The following COL6A2 variants were observed in gnomAD, a reference collection of about 807,000 sequenced individuals.
The protein encoded by COL6A2 is collagen type VI alpha 2 chain.
COL6A2 carries 90 observed loss-of-function variants against 124.9 expected under a neutral mutation model. The observed-to-expected ratio is 0.72, with a 90% CI of 0.61 to 0.86. The LOEUF is 0.86. Ranked by LOEUF, COL6A2 falls within the 40% of genes least tolerant of loss-of-function variation. The pLI is 0.00. For synonymous variants in COL6A2, 793 were observed against 618.2 expected (o/e 1.28, Z -4.19); for missense variants, 1,607 against 1,502.5 (o/e 1.07, Z -1.15).
chr21:46,099,050 G>A (rs1286455918), intron 1 of COL6A2: 1 of 152,322 alleles, frequency 6.6e-6, no homozygotes, highest in South Asian at 2.1e-4. Context: ...TTCCCTTTGG[G>A]GTCGGAACCC....
Position 46,112,003 on chromosome 21 carries a change from T to C in COL6A2, c.140T>C (p.Val47Ala), listed in dbSNP as rs2123614177. The change falls in exon 3 of 28, where the codon GTG (valine) becomes GCG (alanine). Residue 47 changes from valine (V) to alanine (A), a missense_variant. Coordinates refer to ENST00000300527, the MANE Select transcript of COL6A2 (RefSeq NM_001849.4). ...GAGAAGACCGACTGCCCCATCCACG[T>C]GTACTTCGTGCTGGACACCTCGGAG... ...CPEKTDCPIH[V>A]YFVLDTSESV... The C allele has an allele frequency of 1.3e-5, 21 of 1,612,458 alleles. No homozygotes were observed. The highest frequency in any genetic ancestry group is 1.8e-5 in the Non-Finnish European group (21 of 1,179,978).
intron 1 of COL6A2, among the ~76,000 whole-genome samples, chr21:46,098,512 AC>A: frequency 6.6e-6 from 1 of 150,570 alleles, no homozygotes; most frequent in Admixed American, 6.6e-5. Flanking sequence ...TCCCGAGACG[AC>A]CCCGGCACCG....
intron 1 of COL6A2, among the ~76,000 whole-genome samples, chr21:46,108,776 T>C (rs2078362863): frequency 6.6e-6 from 1 of 152,226 alleles, no homozygotes; most frequent in South Asian, 2.1e-4. Flanking sequence ...TAGTTTTTAA[T>C]ATTGGCTAGA....
chr21:46,132,367 G>A lies in COL6A2; in HGVS notation c.2875G>A (p.Glu959Lys), dbSNP rs150168522. 34 of 1,608,992 alleles carry A rather than the reference G, an allele frequency of 2.1e-5. No individual in the cohort carries two copies. Among genetic ancestry groups the A allele is most frequent in the South Asian group, 5.5e-5 (5 of 91,086 alleles). The change falls in exon 28 of 28, where the codon GAG (glutamate) becomes AAG (lysine). Residue 959 changes from glutamate (E) to lysine (K), a missense_variant. Glu to Lys is a moderately conservative substitution (Grantham distance 56, BLOSUM62 1). Transcript: ENST00000300527. ...DGVTGNDSLHESAHSMRKQNV... is the reference protein window; with the variant it reads ...DGVTGNDSLHKSAHSMRKQNV... Reference sequence around the variant, plus strand: ...CGTCACGGGCAACGACAGTCTGCACGAGTCGGCGCACTCCATGCGCAAGCA... The same window carrying A: ...CGTCACGGGCAACGACAGTCTGCACAAGTCGGCGCACTCCATGCGCAAGCA...
intron 27 of COL6A2, among the ~76,000 whole-genome samples, chr21:46,127,162 G>A (rs965923175): frequency 5.9e-5 from 9 of 152,110 alleles, no homozygotes; most frequent in African/African-American, 9.7e-5. Context: ...GGAGGTCCCC[G>A]GGGGCGTTAG....
At chr21:46,124,853 C>T (rs539930932) in intron 22 of COL6A2, 32 bp from the exon 23 acceptor site, 5 of 1,612,600 alleles carry the variant, frequency 3.1e-6, no homozygotes, top group Non-Finnish European at 3.4e-6. Context: ...AGCCTTGGCC[C>T]CAGAGTCTCA....
intron 27 of COL6A2, 99 bp from the exon 28 acceptor site, chr21:46,131,855 C>G (rs1256101380): frequency 1.7e-6 from 2 of 1,148,032 alleles, no homozygotes; most frequent in East Asian, 2.6e-5. Flanking sequence ...TGTGAGGTTG[C>G]AGGCAGGGTG....
rs1405306242 is a variant in COL6A2 at position 46,125,562 on chromosome 21, C to T, written c.1914C>T (p.Val638=). 1.2e-6 allele frequency: 2 copies of T among 1,611,272 alleles called. No homozygotes were observed. Among genetic ancestry groups the T allele is most frequent in the South Asian group, 1.1e-5 (1 of 91,034 alleles). The stretch of plus-strand genomic sequence containing the variant: ...ACTTCACACTGGAGAAGAACTTCGT[C>T]ATCAACGTGGTCAACAGGCTGGGTG... The part of the protein sequence containing the change: ...YTNFTLEKNF[V]INVVNRLGAI... The change falls in exon 25 of 28, where the codon GTC becomes GTT. Residue 638 remains valine, a synonymous_variant. Coordinates refer to ENST00000300527, the MANE Select transcript of COL6A2 (RefSeq NM_001849.4).
rs2078578110 is a variant in COL6A2 at position 46,122,211 on chromosome 21, AG to A, written c.1572+56del. Reference sequence around the variant, plus strand: ...CCAGGAGTGGGTGGACATTGTCCCAAGGGCCCTGAAGATTCCTAGTAGTTCC... The same window carrying A: ...CCAGGAGTGGGTGGACATTGTCCCAAGGCCCTGAAGATTCCTAGTAGTTCC... On this transcript the variant is annotated intron_variant, in intron 19 of 27. Transcript: ENST00000300527. 1.6e-5 allele frequency: 25 copies of A among 1,588,690 alleles called. 1 individual carries two copies. The South Asian group carries it at 2.8e-4, about 18-fold the overall frequency.
At chr21:46,129,352 T>A (rs1221363945) in intron 27 of COL6A2, 1 of 1,612,822 alleles carries the variant, frequency 6.2e-7, no homozygotes, top group Admixed American at 1.7e-5. Context: ...CTGGTGGCCG[T>A]GCTGGTCTAC....
intron 2 of COL6A2, 80 bp from the exon 3 acceptor site, chr21:46,111,899 A>G: frequency 1.4e-6 from 2 of 1,468,254 alleles, no homozygotes; most frequent in Non-Finnish European, 1.9e-6. Context: ...CAAACCCACA[A>G]ACAGGCACGG....
chr21:46,119,205 G>A (rs1330189968), intron 14 of COL6A2, 86 bp downstream of exon 14: 2 of 1,054,734 alleles, frequency 1.9e-6, no homozygotes, highest in Admixed American at 2.0e-5. Flanking sequence ...AGGGCACCTG[G>A]GCTGTAGGCA....
Position 46,132,543 on chromosome 21 carries a change from G to A in COL6A2, c.3051G>A (p.Trp1017Ter). 1 of 1,602,562 alleles carries A rather than the reference G, an allele frequency of 6.2e-7. No homozygotes were observed. Among genetic ancestry groups the A allele is most frequent in the East Asian group, 2.2e-5 (1 of 44,758 alleles). ...QPGFFDRFIR[W>*]IC Reference sequence around the variant, plus strand: ...GCTTCTTCGACCGCTTCATCCGCTGGATCTGCTAGCGCCGCCGCCCGGGCC... The same window carrying A: ...GCTTCTTCGACCGCTTCATCCGCTGAATCTGCTAGCGCCGCCGCCCGGGCC... The change falls in exon 28 of 28, where the codon TGG (tryptophan) becomes TGA (stop). Residue 1017 changes from tryptophan to a stop codon, truncating the protein, a stop_gained. Transcript: ENST00000300527. LOFTEE classifies it high-confidence loss of function.
chr21:46,112,467 C>G lies in COL6A2; in HGVS notation c.604C>G (p.Arg202Gly). 1.9e-6 allele frequency: 3 copies of G among 1,610,612 alleles called. No homozygotes were observed. The highest frequency in any genetic ancestry group is 2.5e-6 in the Non-Finnish European group (3 of 1,179,714). ...PNQNLKEQGL[R>G]DIASTPHELY... ...CCAGAACCTGAAGGAGCAGGGCCTG[C>G]GGGACATCGCCAGCACGCCGCACGA... The change falls in exon 3 of 28, where the codon CGG (arginine) becomes GGG (glycine). Residue 202 changes from arginine (R) to glycine (G), a missense_variant. Around this residue, in one of 3 missense-constraint regions of COL6A2, gnomAD observed 342 missense variants for 381.5 expected, o/e 0.90. Transcript: ENST00000300527.
At chr21:46,112,970 T>A in intron 4 of COL6A2, 146 bp downstream of exon 4, 1 of 1,025,282 alleles carries the variant, frequency 9.8e-7, no homozygotes, top group Non-Finnish European at 1.5e-6. Context: ...CCTGAGGCCT[T>A]GGAGTCTGGA....
chr21:46,120,702 C>A, intron 16 of COL6A2, 125 bp downstream of exon 16: 1 of 953,590 alleles, frequency 1.0e-6, no homozygotes, highest in South Asian at 1.8e-5. Flanking sequence ...GTGCTGCACC[C>A]CAAGGTAAGG....
At chr21:46,130,521 T>C (rs957729214) in intron 27 of COL6A2, among the ~76,000 whole-genome samples, 2 of 152,100 alleles carry the variant, frequency 1.3e-5, no homozygotes, top group Admixed American at 1.3e-4. Flanking sequence ...GTCTTCCCAC[T>C]GTGGGGATGA....
chr21:46,131,804 A>T (rs374087119), intron 27 of COL6A2, 150 bp from the exon 28 acceptor site: 2 of 728,560 alleles, frequency 2.7e-6, no homozygotes, highest in African/African-American at 3.5e-5. Context: ...ACCCACACCC[A>T]GGGCTGCCCT....
intron 2 of COL6A2, 81 bp downstream of exon 2, chr21:46,111,672 C>T (rs1222369140): frequency 8.2e-5 from 28 of 340,700 alleles, no homozygotes; most frequent in Non-Finnish European, 1.2e-4. Context: ...GGTCGGGGGC[C>T]GGGGGCTCTG....
Sources: allele counts gnomAD v4.1 joint callset (sites outside exome capture counted in the v4.1 genomes callset), GRCh38; gene constraint gnomAD v4.1.1; regional missense constraint gnomAD v4.1.1; transcripts MANE v1.5; gene names NCBI Gene and HGNC (gene_info 2026-07-23, HGNC 2026-07-21).